FAT3: variants seen among roughly 807,000 people sequenced by gnomAD.
FAT3 encodes the protein protocadherin Fat 3.
A neutral mutation model predicts 310.2 loss-of-function variants in FAT3; 95 were observed. That is an observed-to-expected ratio of 0.31 (90% CI 0.26 to 0.36). The LOEUF is 0.36. Ranked by LOEUF, FAT3 falls within the 10% of genes least tolerant of loss-of-function variation. The pLI is 1.00. For synonymous variants in FAT3, 2,314 were observed against 2,192.9 expected (o/e 1.06, Z -1.54); for missense variants, 5,408 against 5,715.6 (o/e 0.95, Z 1.74).
intron 6 of FAT3, among the ~76,000 whole-genome samples, chr11:92,767,776 A>T (rs747250537): frequency 2.6e-5 from 4 of 152,040 alleles, no homozygotes; most frequent in African/African-American, 9.7e-5. Context: ...GTTAAGGCCC[A>T]TGTGTCCTCA....
intron 7 of FAT3, among the ~76,000 whole-genome samples, chr11:92,786,479 A>T (rs926232869): frequency 2.6e-5 from 4 of 152,278 alleles, no homozygotes; most frequent in Admixed American, 6.5e-5. Context: ...ATGCAAATGG[A>T]TCTTAAATAT....
rs537106568 is a variant in FAT3, at chr11:92,533,683, C to T, written c.3607+8735C>T. ...TTGACCTGGCTGGGACCTTCCCCAA[C>T]GCAGGGGCAGCTCACAGGCACTTCC... On this transcript the variant is annotated intron_variant, in intron 3 of 27. Transcript: ENST00000525166. Among the ~76,000 whole-genome samples the T allele has an allele frequency of 4.6e-5, 7 of 152,226 alleles. No individual in the cohort carries two copies. The East Asian group carries it at 9.7e-4, about 21-fold the overall frequency.
In FAT3 at chr11:92,352,452, T is replaced by G; in HGVS notation, c.340T>G (p.Ser114Ala). Residue 114 changes from serine (S) to alanine (A), a missense_variant, in exon 2 of 28, where the codon TCT becomes GCT. Ser to Ala is a moderately conservative substitution (Grantham distance 99). Around this residue, in one of 5 missense-constraint regions of FAT3, gnomAD observed 152 missense variants for 188.3 expected, o/e 0.81. Coordinates refer to ENST00000525166, the MANE Select transcript of FAT3 (RefSeq NM_001367949.2). ...FLRIRTKGGN[S>A]AILNREIQDN... ...CAGAATAAGAACTAAAGGTGGCAAT[T>G]CTGCCATATTAAATAGGGAAATCCA... The G allele has an allele frequency of 1.2e-6, 2 of 1,612,556 alleles. No homozygotes were observed. The highest frequency in any genetic ancestry group is 1.7e-6 in the Non-Finnish European group (2 of 1,179,546).
chr11:92,870,296 T>C (rs547090011), intron 22 of FAT3, among the ~76,000 whole-genome samples: 14 of 152,276 alleles, frequency 9.2e-5, no homozygotes, highest in Admixed American at 7.2e-4. Flanking sequence ...CCACAATTAC[T>C]AGCTTGGAAT....
Position 92,697,391 on chromosome 11 carries a change from T to G in FAT3, c.3615T>G (p.Ile1205Met), listed in dbSNP as rs1943974411. ...ATTCTCATTTCTACACAGGTCTGAT[T>G]ACAACAACTTCAAGGAAATTGGATC... ...FFAINIKTGL[I>M]TTTSRKLDRE... is the part of the protein sequence containing the mutation. Residue 1205 changes from isoleucine (I) to methionine (M), a missense_variant, in exon 4 of 28, where the codon ATT becomes ATG. This residue lies in a region of FAT3 where 4,588 missense variants were observed against 4,809.8 expected (regional missense o/e 0.95). Coordinates refer to ENST00000525166, the MANE Select transcript of FAT3 (RefSeq NM_001367949.2). The G allele has an allele frequency of 6.2e-7, 1 of 1,613,844 alleles. No individual in the cohort carries two copies. The highest frequency in any genetic ancestry group is 2.2e-5 in the East Asian group (1 of 44,856).
chr11:92,805,220 G>T lies in FAT3; in HGVS notation c.8964G>T (p.Arg2988Ser), dbSNP rs1947470536. Residue 2988 changes from arginine (R) to serine (S), a missense_variant, in exon 11 of 28, where the codon AGG becomes AGT. Arg to Ser is a moderately radical substitution (Grantham distance 110). Transcript: ENST00000525166. The part of the protein sequence containing the change: ...VQSEWKVYVK[R>S]PLDREEQDIY... ...GTGAGTGGAAGGTCTATGTGAAGAG[G>T]CCTCTAGACAGAGAAGAACAGGACA... is the stretch of plus-strand genomic sequence containing the variant. 2 of 1,613,826 alleles carry T rather than the reference G, an allele frequency of 1.2e-6. No individual in the cohort carries two copies. Among genetic ancestry groups the T allele is most frequent in the Non-Finnish European group, 1.7e-6 (2 of 1,179,820 alleles).
intron 3 of FAT3, among the ~76,000 whole-genome samples, chr11:92,605,458 C>G (rs556111495): frequency 1.1e-3 from 169 of 152,234 alleles, no homozygotes; most frequent in Non-Finnish European, 2.0e-3. Flanking sequence ...CAGACATGAC[C>G]TCTGCCCTAG....
At chr11:92,651,777 A>G (rs1942386913) in intron 3 of FAT3, among the ~76,000 whole-genome samples, 1 of 152,108 alleles carries the variant, frequency 6.6e-6, no homozygotes, top group South Asian at 2.1e-4. Context: ...CGAATCCACC[A>G]GGTCACCATT....
At position 92,736,928 on chromosome 11, in the gene FAT3, C is replaced by T. The variant is rs116351931; in HGVS notation, c.3670-24928C>T. On this transcript the variant is annotated intron_variant, in intron 4 of 27. Transcript: ENST00000525166. Reference sequence around the variant, plus strand: ...ACTGATGTCTTTAGAAAGCTGGAACCAGAGTCTGATTACAGACATTTGTTG... The same window carrying T: ...ACTGATGTCTTTAGAAAGCTGGAACTAGAGTCTGATTACAGACATTTGTTG... Among the ~76,000 whole-genome samples the T allele has an allele frequency of 9.1e-3, 1,391 of 152,208 alleles. 21 individuals carry two copies. The highest frequency in any genetic ancestry group is 0.031 in the African/African-American group (1,280 of 41,518).
In FAT3 at chr11:92,815,791, G is replaced by A. The variant is rs911312585; in HGVS notation, c.9481+5715G>A. 4.6e-5 allele frequency among the ~76,000 whole-genome samples: 7 copies of A among 152,168 alleles called. 1 individual carries two copies. The highest frequency in any genetic ancestry group is 1.0e-4 in the Non-Finnish European group (7 of 68,018). On this transcript the variant is annotated intron_variant, in intron 13 of 27. Coordinates refer to ENST00000525166, the MANE Select transcript of FAT3 (RefSeq NM_001367949.2). ...TGGCATGGAGAGGAAGATGAAACAT[G>A]GGGACACATTGGGAATTCAAGTGTG...
intron 2 of FAT3, among the ~76,000 whole-genome samples, chr11:92,486,375 T>C (rs1451731613): frequency 6.6e-6 from 1 of 151,948 alleles, no homozygotes; most frequent in African/African-American, 2.4e-5. Flanking sequence ...GTTGTCCTTT[T>C]TTTTTACACG....
At chr11:92,491,504 T>C (rs1952595776) in intron 2 of FAT3, among the ~76,000 whole-genome samples, 1 of 151,950 alleles carries the variant, frequency 6.6e-6, no homozygotes, top group Non-Finnish European at 1.5e-5. Context: ...TAATTTAAAA[T>C]TCTCCAAGCA....
intron 3 of FAT3, among the ~76,000 whole-genome samples, chr11:92,563,688 C>A (rs1955316480): frequency 6.6e-6 from 1 of 152,064 alleles, no homozygotes; most frequent in South Asian, 2.1e-4. Flanking sequence ...CAGCAGATCT[C>A]TCGGCAGAAA....
intron 4 of FAT3, among the ~76,000 whole-genome samples, chr11:92,704,422 G>T (rs1054122396): frequency 6.6e-6 from 1 of 152,148 alleles, no homozygotes; most frequent in Non-Finnish European, 1.5e-5. Context: ...GCTGAATTGT[G>T]CACCACCTCC....
At chr11:92,234,846 G>A (rs1023729861) in intron 1 of FAT3, among the ~76,000 whole-genome samples, 6 of 150,456 alleles carry the variant, frequency 4.0e-5, no homozygotes, top group Non-Finnish European at 7.4e-5. Flanking sequence ...AGGTTGCAAT[G>A]AGCCGAGATT....
At chr11:92,377,795 A>G (rs1216128362) in intron 2 of FAT3, among the ~76,000 whole-genome samples, 1 of 152,210 alleles carries the variant, frequency 6.6e-6, no homozygotes. Flanking sequence ...AGGAAAAGAA[A>G]GAAGGGCTAG....
chr11:92,491,863 T>G (rs1952608945), intron 2 of FAT3, among the ~76,000 whole-genome samples: 1 of 152,072 alleles, frequency 6.6e-6, no homozygotes. Context: ...GACCTGTGCT[T>G]ATTTTCTTTC....
In FAT3 at chr11:92,502,326, A is replaced by T. The variant is rs1190990794; in HGVS notation, c.3293-22308A>T. The stretch of plus-strand genomic sequence containing the variant: ...TCTAATGCAGTCTCTGAGGACAGTG[A>T]TAGACAAGTGTGGGTTTTAGATGAA... On this transcript the variant is annotated intron_variant, in intron 2 of 27. Transcript: ENST00000525166. 2.0e-5 allele frequency among the ~76,000 whole-genome samples: 3 copies of T among 152,052 alleles called. No individual in the cohort carries two copies. The East Asian group carries it at 5.8e-4, about 29-fold the overall frequency.
chr11:92,646,778 G>T (rs1223035726), intron 3 of FAT3, among the ~76,000 whole-genome samples: 1 of 152,172 alleles, frequency 6.6e-6, no homozygotes, highest in East Asian at 1.9e-4. Context: ...ACACAGATGT[G>T]CACCCAGAGT....
Sources: gnomAD v4.1 joint callset for allele counts (sites outside exome capture counted in the v4.1 genomes callset) on GRCh38, gnomAD v4.1.1 for gene constraint, gnomAD v4.1.1 regional missense constraint, MANE v1.5 for transcripts, NCBI Gene and HGNC (gene_info 2026-07-23, HGNC 2026-07-21) for gene names.